CNTN5: variants seen among roughly 807,000 people sequenced by gnomAD.
CNTN5 encodes contactin 5.
A neutral mutation model predicts 129.1 loss-of-function variants in CNTN5; 77 were observed. The ratio of observed to expected loss-of-function variants is 0.60; its 90% CI spans 0.50 to 0.72. The LOEUF is 0.72. CNTN5 is among the 30% of genes least tolerant of loss of function. The pLI is 0.00. For synonymous variants in CNTN5, 509 were observed against 465.6 expected (o/e 1.09, Z -1.20); for missense variants, 1,478 against 1,328.8 (o/e 1.11, Z -1.75).
intron 1 of CNTN5, among the ~76,000 whole-genome samples, chr11:99,177,975 T>C (rs2135556538): frequency 6.6e-6 from 1 of 151,620 alleles, no homozygotes; most frequent in Admixed American, 6.6e-5. Flanking sequence ...CAGGACAAGA[T>C]CTTAAACTGG....
chr11:99,240,598 T>C (rs1032391192), intron 1 of CNTN5, among the ~76,000 whole-genome samples: 1 of 148,334 alleles, frequency 6.7e-6, no homozygotes, highest in Non-Finnish European at 1.5e-5. Flanking sequence ...ACCAGCTTAT[T>C]ATGAAAAAAA....
At chr11:100,259,264 C>T (rs751676674) in intron 17 of CNTN5, among the ~76,000 whole-genome samples, 2 of 152,132 alleles carry the variant, frequency 1.3e-5, no homozygotes, top group Non-Finnish European at 2.9e-5. Context: ...AATATATATG[C>T]ACCCAATACA....
intron 3 of CNTN5, among the ~76,000 whole-genome samples, chr11:99,775,424 G>A (rs985306232): frequency 6.6e-6 from 1 of 151,820 alleles, no homozygotes; most frequent in Non-Finnish European, 1.5e-5. Context: ...ATGTCATTTT[G>A]GAAATGAAGG....
intron 1 of CNTN5, among the ~76,000 whole-genome samples, chr11:99,158,935 A>G (rs1860463035): frequency 1.3e-5 from 2 of 152,222 alleles, no homozygotes. Flanking sequence ...ACTAAATATT[A>G]CTTTCAATAA....
intron 3 of CNTN5, among the ~76,000 whole-genome samples, chr11:99,608,883 G>A (rs920092454): frequency 1.1e-4 from 16 of 152,216 alleles, no homozygotes; most frequent in East Asian, 5.8e-4. Context: ...ATTAAGTGGC[G>A]ATCATAGAAC....
At chr11:100,191,859 G>A (rs1442378204) in intron 14 of CNTN5, among the ~76,000 whole-genome samples, 1 of 151,852 alleles carries the variant, frequency 6.6e-6, no homozygotes, top group Non-Finnish European at 1.5e-5. Context: ...TTCTGTTGAG[G>A]CTCTATGTCA....
At chr11:100,309,480 A>G in intron 21 of CNTN5, 6 of 967,596 alleles carry the variant, frequency 6.2e-6, no homozygotes, top group Non-Finnish European at 6.1e-6. Context: ...ACCATTACCT[A>G]CTTATACAAT....
chr11:99,787,104 T>TA (rs1945557330), intron 3 of CNTN5, among the ~76,000 whole-genome samples: 2 of 150,906 alleles, frequency 1.3e-5, no homozygotes, highest in African/African-American at 4.8e-5. Context: ...TTTTTTTGTT[T>TA]TTTATTTATT....
chr11:99,889,326 G>GTGTT (rs1555147172), intron 6 of CNTN5, among the ~76,000 whole-genome samples: 692 of 18,912 alleles, frequency 0.037, 26 homozygotes, highest in African/African-American at 0.062. Context: ...GTGTGTGTGT[G>GTGTT]TGTGTGTGTG....
At chr11:99,087,596 G>A (rs879909694) in intron 1 of CNTN5, among the ~76,000 whole-genome samples, 20 of 152,142 alleles carry the variant, frequency 1.3e-4, no homozygotes, top group Admixed American at 1.0e-3. Flanking sequence ...TAATCCAGGT[G>A]GTTGTGCACA....
intron 4 of CNTN5, among the ~76,000 whole-genome samples, chr11:99,821,174 T>C (rs1946789920): frequency 6.6e-6 from 1 of 152,246 alleles, no homozygotes; most frequent in Non-Finnish European, 1.5e-5. Context: ...AACTGTGATC[T>C]ACTTGTATAG....
chr11:99,680,898 C>T (rs1953522355), intron 3 of CNTN5, among the ~76,000 whole-genome samples: 1 of 151,830 alleles, frequency 6.6e-6, no homozygotes, highest in Non-Finnish European at 1.5e-5. Flanking sequence ...GATAAGGATT[C>T]ACCACTCTAG....
chr11:100,121,891 T>TA (rs945138442), intron 13 of CNTN5, among the ~76,000 whole-genome samples: 1 of 151,900 alleles, frequency 6.6e-6, no homozygotes, highest in Non-Finnish European at 1.5e-5. Context: ...ATTACAATTT[T>TA]AAAAAAAGAT....
Position 100,176,063 on chromosome 11 carries a change from AGGCTAGAGTGCAGT to A in CNTN5, c.1581-15058_1581-15045del, listed in dbSNP as rs1947954012. 4.6e-5 allele frequency among the ~76,000 whole-genome samples: 7 copies of A among 152,170 alleles called. No homozygotes were observed. The South Asian group carries it at 1.5e-3, about 32-fold the overall frequency. ...TTGAGATGGAGTCTCACCCTTGCCCAGGCTAGAGTGCAGTGGCTCCATCTTGGCTCACTGCAACC... is the reference window on the plus strand; with the variant it reads ...TTGAGATGGAGTCTCACCCTTGCCCAGGCTCCATCTTGGCTCACTGCAACC... On this transcript the variant is annotated intron_variant, in intron 13 of 24. Transcript: ENST00000524871.
intron 3 of CNTN5, among the ~76,000 whole-genome samples, chr11:99,794,798 G>A (rs1341046786): frequency 6.6e-6 from 1 of 152,168 alleles, no homozygotes; most frequent in African/African-American, 2.4e-5. Flanking sequence ...CCCACTGTTA[G>A]CCTGGTGGGA....
chr11:99,114,809 A>G (rs1246758386), intron 1 of CNTN5, among the ~76,000 whole-genome samples: 1 of 152,186 alleles, frequency 6.6e-6, no homozygotes, highest in African/African-American at 2.4e-5. Flanking sequence ...ATAAGTAGCA[A>G]TACAGCTTAG....
chr11:100,162,621 C>T (rs1228925627), intron 13 of CNTN5, among the ~76,000 whole-genome samples: 1 of 151,780 alleles, frequency 6.6e-6, no homozygotes, highest in East Asian at 1.9e-4. Flanking sequence ...CTCATTCACA[C>T]AACTAGATCA....
chr11:99,601,755 C>T (rs1420895277), intron 3 of CNTN5, among the ~76,000 whole-genome samples: 2 of 152,172 alleles, frequency 1.3e-5, no homozygotes, highest in Admixed American at 6.5e-5. Context: ...TACTGGCTTC[C>T]TCTTTAAATT....
chr11:99,397,099 G>T (rs1476910225), intron 2 of CNTN5, among the ~76,000 whole-genome samples: 1 of 151,728 alleles, frequency 6.6e-6, no homozygotes, highest in Admixed American at 6.6e-5. Flanking sequence ...CCTCTAGGTT[G>T]TGACGGTTCC....
Sources: allele counts gnomAD v4.1 joint callset (sites outside exome capture counted in the v4.1 genomes callset), GRCh38; gene constraint gnomAD v4.1.1; transcripts MANE v1.5; gene names NCBI Gene and HGNC (gene_info 2026-07-23, HGNC 2026-07-21).